The following NID2 variants were observed in gnomAD, a reference collection of about 807,000 sequenced individuals.
The protein encoded by NID2 is nidogen-2.
A neutral mutation model predicts 145.4 loss-of-function variants in NID2; 83 were observed. The observed-to-expected ratio is 0.57, with a 90% CI of 0.48 to 0.69. The LOEUF (loss-of-function observed/expected upper bound fraction) is 0.69. Among genes scored for constraint, NID2 ranks in the 30% least tolerant of loss-of-function variants. The pLI, the probability that NID2 is intolerant of heterozygous loss-of-function variation, is 0.00. For synonymous variants in NID2, 739 were observed against 701.3 expected, an observed-to-expected ratio of 1.05 and a Z score of -0.85; for missense variants, 1,807 against 1,765.7, an observed-to-expected ratio of 1.02 and a Z score of -0.42.
intron 14 of NID2, among the ~76,000 whole-genome samples, chr14:52,016,612 G>C (rs1279253799): frequency 6.6e-6 from 1 of 152,072 alleles, no homozygotes; most frequent in Non-Finnish European, 1.5e-5. Context: ...CCCTCACCCT[G>C]GTCAAAAAGC....
chr14:52,034,310 A>G (rs1463337211), intron 9 of NID2, among the ~76,000 whole-genome samples: 2 of 6,368 alleles, frequency 3.1e-4, no homozygotes, highest in African/African-American at 4.0e-4. Context: ...AGCCTGGGAA[A>G]TTTCACTAAC....
chr14:52,067,919 G>T lies in NID2; in HGVS notation c.473C>A (p.Ala158Asp). Residue 158 changes from alanine to aspartate, a missense_variant, in exon 2 of 22, where the codon GCC (alanine) becomes GAC (aspartate). Transcript: ENST00000216286. ...ARFTPTHAFLATWEQVGAYEE... is the reference protein window; with the variant it reads ...ARFTPTHAFLDTWEQVGAYEE... ...GTAAGCGCCTACCTGCTCCCAGGTG[G>T]CCAGGAAGGCGTGGGTGGGGGTAAA... 1.2e-6 allele frequency: 2 copies of T among 1,612,732 alleles called. No individual in the cohort carries two copies. The highest frequency in any genetic ancestry group is 1.3e-5 in the African/African-American group (1 of 75,000).
chr14:52,067,523 T>C (rs1047699574), intron 2 of NID2, among the ~76,000 whole-genome samples: 1 of 152,218 alleles, frequency 6.6e-6, no homozygotes, highest in African/African-American at 2.4e-5. Context: ...AACATATAAT[T>C]AGAAATACTT....
chr14:52,040,911 G>C, intron 7 of NID2, 60 bp from the exon 8 acceptor site: 1 of 1,472,740 alleles, frequency 6.8e-7, no homozygotes, highest in Non-Finnish European at 9.5e-7. Flanking sequence ...ACAGTTACCA[G>C]TATATACTGC....
rs1255489277 is a variant in NID2 at position 52,027,210 on chromosome 14, G to C, written c.2665C>G (p.Gln889Glu). 1.3e-6 allele frequency: 2 copies of C among 1,551,118 alleles called. No homozygotes were observed. Among genetic ancestry groups the C allele is most frequent in the Non-Finnish European group, 1.7e-6 (2 of 1,149,334 alleles). ...ACCTGCAGTTACTCACCAGTGCACT[G>C]GTGCCCATCGCCGGCATAACCAGGC... is the stretch of plus-strand genomic sequence containing the variant. ...CLPGYAGDGH[Q>E]CTDVDECSEN... Residue 889 changes from glutamine to glutamate, a missense_variant, in exon 12 of 22, where the codon CAG (glutamine) becomes GAG (glutamate). Physicochemically the swap from Gln to Glu is conservative, Grantham distance 29 (BLOSUM62 2). Coordinates refer to ENST00000216286, the MANE Select transcript of NID2 (RefSeq NM_007361.4).
chr14:52,030,589 A>AGG (rs1566755767), intron 9 of NID2, among the ~76,000 whole-genome samples: 417 of 41,292 alleles, frequency 0.01, 27 homozygotes, highest in South Asian at 0.03. Context: ...AAAGAAAGAA[A>AGG]GAAAGAAAGA....
chr14:52,021,043 T>C (rs1187038231), intron 12 of NID2, among the ~76,000 whole-genome samples: 2 of 149,308 alleles, frequency 1.3e-5, no homozygotes, highest in Non-Finnish European at 3.0e-5. Flanking sequence ...GCTCTGAGAA[T>C]TGAATGGTTA....
At chr14:52,058,597 A>C (rs112057151) in intron 3 of NID2, among the ~76,000 whole-genome samples, 1 of 152,278 alleles carries the variant, frequency 6.6e-6, no homozygotes, top group African/African-American at 2.4e-5. Context: ...TGTGGATGTT[A>C]GTTCCAAGAG....
rs1434262081 is a variant in NID2 at position 52,027,235 on chromosome 14, C to A, written c.2640G>T (p.Leu880=). ...HGGSTFSCAC[L]PGYAGDGHQC... ...GGTGCCCATCGCCGGCATAACCAGG[C>A]AGGCAGGCACAGCTGAACGTGCTGC... Residue 880 remains leucine (L), a synonymous_variant, in exon 12 of 22, where the codon CTG becomes CTT. Transcript: ENST00000216286. 3.2e-6 allele frequency: 5 copies of A among 1,575,478 alleles called. No homozygotes were observed. Among genetic ancestry groups the A allele is most frequent in the Non-Finnish European group, 4.3e-6 (5 of 1,161,280 alleles).
In NID2 at chr14:52,038,742, C is replaced by T; in HGVS notation, c.2257+5G>A. 1 of 1,547,978 alleles carries T rather than the reference C, an allele frequency of 6.5e-7. No homozygotes were observed. Among genetic ancestry groups the T allele is most frequent in the Non-Finnish European group, 8.7e-7 (1 of 1,149,542 alleles). On this transcript the variant is annotated splice_donor_5th_base_variant and intron_variant, in intron 9 of 21. Coordinates refer to ENST00000216286, the MANE Select transcript of NID2 (RefSeq NM_007361.4). ...TTTACCCAACAACAAAAAAGGAAAC[C>T]TTACCTTTGACCGGGCCAATTTGAT...
intron 7 of NID2, among the ~76,000 whole-genome samples, chr14:52,041,555 G>T (rs1354856342): frequency 6.6e-6 from 1 of 152,136 alleles, no homozygotes; most frequent in East Asian, 1.9e-4. Context: ...AGCAACACTG[G>T]TACCTCACCT....
At position 52,029,532 on chromosome 14, in the gene NID2, G is replaced by C. The variant is rs1164596226; in HGVS notation, c.2401+15C>G. On this transcript the variant is annotated intron_variant, in intron 10 of 21. Transcript: ENST00000216286. ...CAAGGGCTACAAGAAGGAGACACGA[G>C]AACATGGCTCTTACCCACACAGTTC... The C allele has an allele frequency of 6.3e-7, 1 of 1,599,724 alleles. No homozygotes were observed. The highest frequency in any genetic ancestry group is 1.7e-5 in the Admixed American group (1 of 59,718).
At chr14:52,034,341 T>C (rs1282570069) in intron 9 of NID2, among the ~76,000 whole-genome samples, 1 of 152,146 alleles carries the variant, frequency 6.6e-6, no homozygotes, top group Non-Finnish European at 1.5e-5. Context: ...ACAGATCAGA[T>C]GCCTACACCC....
chr14:52,008,249 C>T (rs889312341), intron 18 of NID2: 3 of 291,908 alleles, frequency 1.0e-5, no homozygotes, highest in Admixed American at 4.8e-5. Flanking sequence ...TGCAAGCTAC[C>T]CTGTAAAGGG....
intron 9 of NID2, among the ~76,000 whole-genome samples, chr14:52,030,616 AAG>A (rs1243960574): frequency 0.013 from 1,197 of 91,330 alleles, 55 homozygotes; most frequent in African/African-American, 0.047. Flanking sequence ...GAGAAAGAAA[AAG>A]AAAGAAAGAG....
rs1890967166 is a variant in NID2 at position 52,010,422 on chromosome 14, A to G, written c.3722+454T>C. ...GTTTATCTTGATTTCTGCTACAGCA[A>G]CACTGAAGCCAGAGGTGTCTGAGCT... On this transcript the variant is annotated intron_variant, in intron 18 of 21. Transcript: ENST00000216286. 4 of 154,876 alleles carry G rather than the reference A, an allele frequency of 2.6e-5. No individual in the cohort carries two copies. In the South Asian group the frequency reaches 8.0e-4, roughly 31 times the overall value. 9.6% of individuals were successfully genotyped at this position (154,876 alleles called of 1,614,324 possible). A position where few individuals can be genotyped will look rare whatever the true frequency, so the allele number is the denominator to read the frequency against.
At chr14:52,026,090 T>C (rs1002150574) in intron 12 of NID2, among the ~76,000 whole-genome samples, 2 of 152,178 alleles carry the variant, frequency 1.3e-5, no homozygotes. Context: ...AGTGGAGGGC[T>C]GAGCTGCTGT....
chr14:52,018,664 G>A (rs763082839), intron 14 of NID2, among the ~76,000 whole-genome samples: 1 of 152,222 alleles, frequency 6.6e-6, no homozygotes, highest in Non-Finnish European at 1.5e-5. Context: ...GAAGGCAGAG[G>A]TAAGTGAGAT....
intron 9 of NID2, among the ~76,000 whole-genome samples, chr14:52,035,017 AC>A (rs2140389577): frequency 3.0e-5 from 1 of 33,110 alleles, no homozygotes; most frequent in East Asian, 6.9e-4. Context: ...AGCAGAAAGT[AC>A]GAGCTCCCAT....
Sources: allele counts gnomAD v4.1 joint callset (sites outside exome capture counted in the v4.1 genomes callset), GRCh38; gene constraint gnomAD v4.1.1; transcripts MANE v1.5; gene names NCBI Gene and HGNC (gene_info 2026-07-23, HGNC 2026-07-21).